GABRB3: variants seen among roughly 807,000 people sequenced by gnomAD.
The protein encoded by GABRB3 is gamma-aminobutyric acid type A receptor subunit beta3.
GABRB3 carries 14 observed loss-of-function variants against 52.1 expected under a neutral mutation model. The observed-to-expected ratio is 0.27, with a 90% CI of 0.18 to 0.42. The LOEUF is 0.42. GABRB3 is among the 10% of genes least tolerant of loss of function. The pLI, the probability that GABRB3 is intolerant of heterozygous loss-of-function variation, is 1.00. For synonymous variants in GABRB3, 260 were observed against 232.3 expected, an observed-to-expected ratio of 1.12 and a Z score of -1.08; for missense variants, 307 against 609.1, an observed-to-expected ratio of 0.50 and a Z score of 5.22.
intron 3 of GABRB3, among the ~76,000 whole-genome samples, chr15:26,748,269 AGAG>A (rs2140168484): frequency 6.6e-6 from 1 of 152,264 alleles, no homozygotes; most frequent in African/African-American, 2.4e-5. Flanking sequence ...TCTATTTTCT[AGAG>A]GAGACTGCAT....
intron 3 of GABRB3, among the ~76,000 whole-genome samples, chr15:26,702,321 A>G (rs1030273619): frequency 6.6e-6 from 1 of 152,230 alleles, no homozygotes; most frequent in Non-Finnish European, 1.5e-5. Context: ...TGTATAGCGT[A>G]TATCTGATAA....
At chr15:26,661,618 C>T (rs1331250474) in intron 3 of GABRB3, among the ~76,000 whole-genome samples, 2 of 152,058 alleles carry the variant, frequency 1.3e-5, no homozygotes, top group East Asian at 1.9e-4. Flanking sequence ...AAGGCTTACA[C>T]GCACAAGAGC....
intron 3 of GABRB3, among the ~76,000 whole-genome samples, chr15:26,708,231 T>C (rs1889169209): frequency 6.6e-6 from 1 of 152,186 alleles, no homozygotes. Flanking sequence ...CAATTGATTG[T>C]TCTACATGAC....
chr15:26,716,466 A>T, intron 3 of GABRB3: 1 of 395,718 alleles, frequency 2.5e-6, no homozygotes, highest in Non-Finnish European at 3.4e-6. Context: ...TGCAGCACCT[A>T]ACCCATCTTC....
At chr15:26,703,462 T>C (rs1192129629) in intron 3 of GABRB3, among the ~76,000 whole-genome samples, 1 of 152,206 alleles carries the variant, frequency 6.6e-6, no homozygotes, top group Non-Finnish European at 1.5e-5. Context: ...AACAATCTGA[T>C]TCTGGCCCCC....
chr15:26,662,545 C>T (rs999764473), intron 3 of GABRB3, among the ~76,000 whole-genome samples: 3 of 152,166 alleles, frequency 2.0e-5, no homozygotes, highest in Non-Finnish European at 4.4e-5. Context: ...ATAATTAGGC[C>T]TCATTACTCT....
intron 4 of GABRB3, among the ~76,000 whole-genome samples, chr15:26,618,579 G>C (rs542312094): frequency 7.9e-5 from 12 of 152,280 alleles, no homozygotes; most frequent in Non-Finnish European, 1.3e-4. Flanking sequence ...AGAAAACCTA[G>C]GCAATACCAT....
At chr15:26,597,362 T>C (rs1371146853) in intron 4 of GABRB3, among the ~76,000 whole-genome samples, 3 of 152,212 alleles carry the variant, frequency 2.0e-5, no homozygotes, top group African/African-American at 7.2e-5. Flanking sequence ...TGGGAGAGTT[T>C]ACACACATCT....
intron 3 of GABRB3, among the ~76,000 whole-genome samples, chr15:26,712,490 T>C (rs1485981294): frequency 1.3e-5 from 2 of 152,054 alleles, no homozygotes; most frequent in African/African-American, 4.8e-5. Flanking sequence ...GTTCAATCTG[T>C]GCAGCTGTTG....
chr15:26,653,795 A>G (rs1235030178), intron 3 of GABRB3, among the ~76,000 whole-genome samples: 1 of 152,228 alleles, frequency 6.6e-6, no homozygotes, highest in Non-Finnish European at 1.5e-5. Flanking sequence ...AGTTCTCCAT[A>G]CATCAAATAA....
intron 1 of GABRB3, 49 bp from the exon 2 acceptor site, chr15:26,772,821 C>T: frequency 1.4e-6 from 2 of 1,469,434 alleles, no homozygotes; most frequent in Non-Finnish European, 1.8e-6. Flanking sequence ...GGCGGCTCAG[C>T]CGCCAGCGCC....
At chr15:26,642,328 C>G (rs1052101900) in intron 3 of GABRB3, 1 of 391,730 alleles carries the variant, frequency 2.6e-6, no homozygotes, top group African/African-American at 2.1e-5. Context: ...GACTATGGGA[C>G]TTGAATATGT....
At chr15:26,705,344 T>C (rs1463690895) in intron 3 of GABRB3, among the ~76,000 whole-genome samples, 1 of 152,164 alleles carries the variant, frequency 6.6e-6, no homozygotes, top group Non-Finnish European at 1.5e-5. Context: ...CACCTCTTAA[T>C]ATTATCACAT....
At chr15:26,586,397 A>AACACACACACACACCC (rs1890986106) in intron 4 of GABRB3, among the ~76,000 whole-genome samples, 2 of 138,086 alleles carry the variant, frequency 1.4e-5, no homozygotes, top group South Asian at 5.0e-4. Context: ...AACCACCCCT[A>AACACACACACACACCC]ACACACACAC....
chr15:26,664,010 C>T (rs1034286479), intron 3 of GABRB3, among the ~76,000 whole-genome samples: 1 of 152,142 alleles, frequency 6.6e-6, no homozygotes, highest in Admixed American at 6.5e-5. Context: ...TCCTTTTATT[C>T]TCCCATCTTT....
chr15:26,624,372 C>T (rs1042280681), intron 3 of GABRB3: 8 of 985,370 alleles, frequency 8.1e-6, no homozygotes, highest in Non-Finnish European at 3.6e-6. Context: ...TTCTTTACTC[C>T]TAACCCCGCA....
intron 4 of GABRB3, among the ~76,000 whole-genome samples, chr15:26,596,050 G>T (rs72702155): frequency 6.6e-6 from 1 of 151,952 alleles, no homozygotes; most frequent in Non-Finnish European, 1.5e-5. Flanking sequence ...TCAGCCTTTG[G>T]GGGTAGGCAT....
chr15:26,662,247 A>G (rs970406503), intron 3 of GABRB3, among the ~76,000 whole-genome samples: 1 of 152,222 alleles, frequency 6.6e-6, no homozygotes, highest in African/African-American at 2.4e-5. Context: ...ACAGAAAAGC[A>G]TGAATGCTAC....
chr15:26,760,064 T>C (rs1008463572), intron 3 of GABRB3, among the ~76,000 whole-genome samples: 2 of 152,206 alleles, frequency 1.3e-5, no homozygotes, highest in Non-Finnish European at 2.9e-5. Context: ...CTGAGGCTCA[T>C]AGCATACAGC....
Sources: allele counts gnomAD v4.1 joint callset (sites outside exome capture counted in the v4.1 genomes callset), GRCh38; gene constraint gnomAD v4.1.1; transcripts MANE v1.5; gene names NCBI Gene and HGNC (gene_info 2026-07-23, HGNC 2026-07-21).